The following RAB11FIP4 variants were observed in gnomAD, a reference collection of about 807,000 sequenced individuals.
The protein encoded by RAB11FIP4 is rab11 family-interacting protein 4.
A neutral mutation model predicts 74.3 loss-of-function variants in RAB11FIP4; 23 were observed. That is an observed-to-expected ratio of 0.31 (90% CI 0.22 to 0.44). The LOEUF (loss-of-function observed/expected upper bound fraction) is 0.44, where lower values mean the gene tolerates loss of function less well. Ranked by LOEUF, RAB11FIP4 falls within the 20% of genes least tolerant of loss-of-function variation. RAB11FIP4 has a pLI of 1.00. For missense variants in RAB11FIP4, 630 were observed against 863.9 expected, an observed-to-expected ratio of 0.73 and a Z score of 3.39; for synonymous variants, 360 against 359.9, an observed-to-expected ratio of 1.00 and a Z score of 0.00.
At chr17:31,427,378 C>T (rs572351574) in intron 1 of RAB11FIP4, among the ~76,000 whole-genome samples, 19 of 152,302 alleles carry the variant, frequency 1.2e-4, no homozygotes, top group African/African-American at 4.1e-4. Flanking sequence ...TGGGCCATGG[C>T]GTGGGTGCTT....
intron 1 of RAB11FIP4, among the ~76,000 whole-genome samples, chr17:31,429,527 C>T (rs372242164): frequency 1.2e-4 from 18 of 152,222 alleles, no homozygotes; most frequent in East Asian, 1.9e-4. Context: ...GGAAATCCTC[C>T]GTAAAAATTG....
In RAB11FIP4 at chr17:31,413,783, G is replaced by A. The variant is rs1012349980; in HGVS notation, c.160-18030G>A. ...CCTTCGAGGGGGTTACATTGTGATG[G>A]ATTCTGTCTTATCTTCCCCTACAGT... On this transcript the variant is annotated intron_variant, in intron 1 of 14. Coordinates refer to ENST00000621161, the MANE Select transcript of RAB11FIP4 (RefSeq NM_032932.6). 7.2e-5 allele frequency among the ~76,000 whole-genome samples: 11 copies of A among 152,264 alleles called. No homozygotes were observed. In the East Asian group the frequency reaches 1.4e-3, roughly 19 times the overall value.
intron 3 of RAB11FIP4, among the ~76,000 whole-genome samples, chr17:31,475,270 T>A (rs2071780383): frequency 1.3e-5 from 2 of 152,074 alleles, no homozygotes; most frequent in South Asian, 4.2e-4. Context: ...GTGCTGGAGA[T>A]GAGAAGACAA....
At chr17:31,397,566 A>G (rs917821871) in intron 1 of RAB11FIP4, among the ~76,000 whole-genome samples, 4 of 152,194 alleles carry the variant, frequency 2.6e-5, no homozygotes, top group Non-Finnish European at 5.9e-5. Flanking sequence ...CTGGCAGAAA[A>G]GGTGGGAGTG....
intron 1 of RAB11FIP4, among the ~76,000 whole-genome samples, chr17:31,405,204 G>A (rs1016544694): frequency 6.6e-6 from 1 of 152,062 alleles, no homozygotes; most frequent in Admixed American, 6.5e-5. Flanking sequence ...GGGTCAGAGG[G>A]AGGCTCCCAG....
intron 3 of RAB11FIP4, among the ~76,000 whole-genome samples, chr17:31,435,487 G>A (rs1164618412): frequency 1.3e-5 from 2 of 152,178 alleles, no homozygotes; most frequent in African/African-American, 2.4e-5. Context: ...GACAACCAGC[G>A]AGGTCCCTCC....
At chr17:31,525,001 G>T (rs987522459) in intron 9 of RAB11FIP4, 89 bp from the exon 10 acceptor site, 9 of 1,506,970 alleles carry the variant, frequency 6.0e-6, no homozygotes, top group East Asian at 2.5e-5. Flanking sequence ...GTGACTCAGG[G>T]TCTCGGGGCC....
intron 3 of RAB11FIP4, among the ~76,000 whole-genome samples, chr17:31,498,083 T>C (rs899130324): frequency 6.6e-6 from 1 of 152,054 alleles, no homozygotes; most frequent in Non-Finnish European, 1.5e-5. Context: ...TGGAAGGGGC[T>C]TTGCGAGCTG....
chr17:31,445,572 ATATATATTTTTTTTT>A lies in RAB11FIP4; in HGVS notation c.336+11452_336+11466del, dbSNP rs2071452709. Among the ~76,000 whole-genome samples the A allele has an allele frequency of 2.8e-4, 3 of 10,694 alleles. 1 individual carries two copies. Among genetic ancestry groups the A allele is most frequent in the African/African-American group, 1.3e-3 (3 of 2,256 alleles). 7.0% of individuals were successfully genotyped at this position (10,694 alleles called of 152,430 possible). ...TATATATATATATATATATATATAT[ATATATATTTTTTTTT>A]TTTTTTTTTTTTTTTTGACACGGAG... On this transcript the variant is annotated intron_variant, in intron 3 of 14. Coordinates refer to ENST00000621161, the MANE Select transcript of RAB11FIP4 (RefSeq NM_032932.6).
At position 31,402,216 on chromosome 17, in the gene RAB11FIP4, TCCATCCATCCATCCAC is replaced by T. The variant is rs888946375; in HGVS notation, c.159+10209_159+10224del. Among the ~76,000 whole-genome samples the T allele has an allele frequency of 7.7e-4, 116 of 151,506 alleles. 2 individuals carry two copies. The East Asian group carries it at 0.022, about 28-fold the overall frequency. On this transcript the variant is annotated intron_variant, in intron 1 of 14. Coordinates refer to ENST00000621161, the MANE Select transcript of RAB11FIP4 (RefSeq NM_032932.6). Reference sequence around the variant, plus strand: ...ATCCATCCATCCATCCATCCATCCATCCATCCATCCATCCACCCACCATCTACCACTTCCTGAGTAT... The same window carrying T: ...ATCCATCCATCCATCCATCCATCCATCCACCATCTACCACTTCCTGAGTAT...
intron 4 of RAB11FIP4, among the ~76,000 whole-genome samples, chr17:31,519,709 C>T (rs1354635540): frequency 6.6e-6 from 1 of 152,108 alleles, no homozygotes; most frequent in African/African-American, 2.4e-5. Flanking sequence ...AAAGTAATTT[C>T]ATGTGGTTCA....
chr17:31,481,632 C>G (rs1350736713), intron 3 of RAB11FIP4, among the ~76,000 whole-genome samples: 4 of 152,082 alleles, frequency 2.6e-5, no homozygotes, highest in Admixed American at 2.0e-4. Flanking sequence ...TCTCCTTGCT[C>G]TCACCCAATT....
intron 1 of RAB11FIP4, among the ~76,000 whole-genome samples, chr17:31,430,964 C>T (rs1396128682): frequency 6.6e-6 from 1 of 152,012 alleles, no homozygotes; most frequent in Non-Finnish European, 1.5e-5. Flanking sequence ...GGGGTGATCA[C>T]TGGGTTGACC....
At chr17:31,416,640 C>T (rs761959647) in intron 1 of RAB11FIP4, among the ~76,000 whole-genome samples, 3 of 152,178 alleles carry the variant, frequency 2.0e-5, no homozygotes, top group African/African-American at 2.4e-5. Flanking sequence ...TGGAGCATCT[C>T]GCCTGAAGCC....
In RAB11FIP4 at chr17:31,445,568, A is replaced by T. The variant is rs1567658331; in HGVS notation, c.336+11446A>T. 9.5e-4 allele frequency among the ~76,000 whole-genome samples: 12 copies of T among 12,678 alleles called. 2 individuals carry two copies. The highest frequency in any genetic ancestry group is 1.7e-3 in the African/African-American group (5 of 2,932). The allele number at this position is 12,678 out of a possible 152,430, so 8.3% of individuals were successfully genotyped here. A position where few individuals can be genotyped will look rare whatever the true frequency, so the allele number is the denominator to read the frequency against. On this transcript the variant is annotated intron_variant, in intron 3 of 14. Coordinates refer to ENST00000621161, the MANE Select transcript of RAB11FIP4 (RefSeq NM_032932.6). ...TATATATATATATATATATATATAT[A>T]TATATATATATTTTTTTTTTTTTTT...
chr17:31,471,126 G>A (rs1020317264), intron 3 of RAB11FIP4, among the ~76,000 whole-genome samples: 1 of 150,914 alleles, frequency 6.6e-6, no homozygotes, highest in Non-Finnish European at 1.5e-5. Flanking sequence ...GCAGGGGTGC[G>A]ATCATGGCTC....
Position 31,414,695 on chromosome 17 carries a change from C to T in RAB11FIP4, c.160-17118C>T, listed in dbSNP as rs145076104. On this transcript the variant is annotated intron_variant, in intron 1 of 14. Transcript: ENST00000621161. ...CACTGGGCCATGGTGCTGGCCAGCC[C>T]TCTGGATGTCTAGCCACCCTGGCCA... is the stretch of plus-strand genomic sequence containing the variant. Among the ~76,000 whole-genome samples the T allele has an allele frequency of 1.4e-3, 220 of 152,308 alleles. 1 individual carries two copies. Among genetic ancestry groups the T allele is most frequent in the African/African-American group, 4.8e-3 (199 of 41,570 alleles).
chr17:31,505,553 A>AT (rs1230002680), intron 3 of RAB11FIP4, among the ~76,000 whole-genome samples: 1 of 83,420 alleles, frequency 1.2e-5, no homozygotes, highest in Non-Finnish European at 2.1e-5. Context: ...ATTATATATA[A>AT]TAATAATTAT....
At chr17:31,407,281 T>A (rs181088143) in intron 1 of RAB11FIP4, among the ~76,000 whole-genome samples, 5 of 152,220 alleles carry the variant, frequency 3.3e-5, no homozygotes, top group Non-Finnish European at 7.3e-5. Flanking sequence ...ACTCCTGGGA[T>A]CAAGCAATCC....
Sources: gnomAD v4.1 joint callset for allele counts (sites outside exome capture counted in the v4.1 genomes callset) on GRCh38, gnomAD v4.1.1 for gene constraint, MANE v1.5 for transcripts, NCBI Gene and HGNC (gene_info 2026-07-23, HGNC 2026-07-21) for gene names.